Variants in ST7 observed in about 807,000 individuals in gnomAD.
ST7 encodes suppressor of tumorigenicity 7 protein.
Under a neutral mutation model 78.7 loss-of-function variants are expected in ST7, and 28 were observed. That is an observed-to-expected ratio of 0.36 (90% CI 0.26 to 0.49). The LOEUF is 0.49. Among genes scored for constraint, ST7 ranks in the 20% least tolerant of loss-of-function variants. The probability of loss-of-function intolerance (pLI) is 0.99; values close to 1 mark genes in which losing one functional copy is unlikely to be tolerated. For synonymous variants in ST7, 247 were observed against 249.6 expected, an observed-to-expected ratio of 0.99 and a Z score of 0.10; for missense variants, 418 against 696.0, an observed-to-expected ratio of 0.60 and a Z score of 4.49.
chr7:117,106,784 C>G (rs1802010557), intron 2 of ST7, among the ~76,000 whole-genome samples: 1 of 151,882 alleles, frequency 6.6e-6, no homozygotes, highest in Non-Finnish European at 1.5e-5. Flanking sequence ...CCATGCCCGG[C>G]TAATTTTTTG....
intron 1 of ST7, among the ~76,000 whole-genome samples, chr7:116,955,912 A>G (rs972480162): frequency 6.6e-6 from 1 of 152,214 alleles, no homozygotes; most frequent in African/African-American, 2.4e-5. Context: ...TGCTAGACAC[A>G]TGATAGAAGA....
chr7:116,996,569 A>G (rs1179912302), intron 1 of ST7, among the ~76,000 whole-genome samples: 1 of 152,178 alleles, frequency 6.6e-6, no homozygotes, highest in African/African-American at 2.4e-5. Context: ...GTCTCTTCGT[A>G]ACCAGGCAGT....
At chr7:117,226,103 G>A (rs1021707952) in intron 15 of ST7, among the ~76,000 whole-genome samples, 2 of 151,986 alleles carry the variant, frequency 1.3e-5, no homozygotes, top group East Asian at 1.9e-4. Flanking sequence ...TATAGTCCTC[G>A]ACCTCTTTGA....
At chr7:116,972,793 C>T (rs781054814) in intron 1 of ST7, 3 of 952,324 alleles carry the variant, frequency 3.2e-6, no homozygotes, top group Non-Finnish European at 5.1e-6. Context: ...TTCCTGGGAA[C>T]ACCTTTCTCC....
chr7:117,159,110 C>T (rs1806930028), intron 9 of ST7, among the ~76,000 whole-genome samples: 1 of 152,172 alleles, frequency 6.6e-6, no homozygotes, highest in African/African-American at 2.4e-5. Context: ...ACAAATCAAA[C>T]TTGAAAGGTT....
intron 1 of ST7, chr7:117,020,242 G>T (rs1795813500): frequency 3.6e-6 from 1 of 280,198 alleles, no homozygotes; most frequent in Admixed American, 4.9e-5. Context: ...GCAGGGCTGG[G>T]GATTGCAGTA....
chr7:117,069,282 G>A (rs562742175), intron 1 of ST7, among the ~76,000 whole-genome samples: 1 of 152,266 alleles, frequency 6.6e-6, no homozygotes, highest in Non-Finnish European at 1.5e-5. Flanking sequence ...TGGCTTGCCT[G>A]TTTGGACAAT....
At chr7:116,989,117 A>G (rs566647717) in intron 1 of ST7, among the ~76,000 whole-genome samples, 55 of 152,346 alleles carry the variant, frequency 3.6e-4, no homozygotes, top group African/African-American at 1.3e-3. Context: ...ATATAACCCC[A>G]TATATTCAAG....
At chr7:117,116,741 C>G (rs894309945) in intron 2 of ST7, among the ~76,000 whole-genome samples, 4 of 152,160 alleles carry the variant, frequency 2.6e-5, no homozygotes, top group Non-Finnish European at 4.4e-5. Context: ...AGAAGGCCCT[C>G]CTTTTCCTCC....
At chr7:117,180,934 G>C (rs1365302854) in intron 10 of ST7, among the ~76,000 whole-genome samples, 1 of 152,168 alleles carries the variant, frequency 6.6e-6, no homozygotes, top group East Asian at 1.9e-4. Flanking sequence ...TTACAGGTGT[G>C]AGCCACCATG....
chr7:117,175,733 A>G (rs1443469974), intron 10 of ST7, among the ~76,000 whole-genome samples: 1 of 152,228 alleles, frequency 6.6e-6, no homozygotes, highest in Non-Finnish European at 1.5e-5. Context: ...AAAGTAGTTT[A>G]ATCTATGTTA....
chr7:116,974,373 C>T (rs574573263), intron 1 of ST7, among the ~76,000 whole-genome samples: 4 of 151,696 alleles, frequency 2.6e-5, no homozygotes, highest in Admixed American at 2.0e-4. Flanking sequence ...CTGCAAGCTC[C>T]GCCTCCTGGG....
chr7:117,017,374 C>T (rs1329289367), intron 1 of ST7, among the ~76,000 whole-genome samples: 1 of 152,168 alleles, frequency 6.6e-6, no homozygotes, highest in Admixed American at 6.5e-5. Context: ...GATAGGCTTT[C>T]CTTTAAAAGT....
chr7:117,189,563 T>G (rs1038358706), intron 11 of ST7, among the ~76,000 whole-genome samples, 170 bp downstream of exon 11: 6 of 152,236 alleles, frequency 3.9e-5, no homozygotes, highest in African/African-American at 1.4e-4. Flanking sequence ...AGGGAATGTA[T>G]ATCCTCAGGT....
intron 3 of ST7, among the ~76,000 whole-genome samples, chr7:117,124,585 A>T (rs1369104421): frequency 6.6e-6 from 1 of 152,178 alleles, no homozygotes; most frequent in Non-Finnish European, 1.5e-5. Context: ...TTCTGAAGTG[A>T]CATTAACCTA....
At chr7:117,030,426 ATGT>A (rs1388925685) in intron 1 of ST7, among the ~76,000 whole-genome samples, 1 of 152,220 alleles carries the variant, frequency 6.6e-6, no homozygotes, top group East Asian at 1.9e-4. Flanking sequence ...CACTAAACAG[ATGT>A]TGTCATGAAG....
intron 12 of ST7, chr7:117,191,833 C>T (rs1809811465): frequency 6.6e-6 from 1 of 151,872 alleles, no homozygotes; most frequent in African/African-American, 2.4e-5. Flanking sequence ...CAAAGGAAGG[C>T]TGTTTGACTT....
At chr7:117,196,014 T>C (rs1324150666) in intron 12 of ST7, among the ~76,000 whole-genome samples, 1 of 152,228 alleles carries the variant, frequency 6.6e-6, no homozygotes, top group African/African-American at 2.4e-5. Context: ...TCATGTATTG[T>C]TTGTCTTTCC....
chr7:117,062,690 T>C (rs1297467752), intron 1 of ST7, among the ~76,000 whole-genome samples: 1 of 152,218 alleles, frequency 6.6e-6, no homozygotes, highest in African/African-American at 2.4e-5. Context: ...ATTAATACAA[T>C]AGTTTATCAT....
Sources: allele counts gnomAD v4.1 joint callset (sites outside exome capture counted in the v4.1 genomes callset), GRCh38; gene constraint gnomAD v4.1.1; transcripts MANE v1.5; gene names NCBI Gene and HGNC (gene_info 2026-07-23, HGNC 2026-07-21).